SEPTIN9: variants seen among roughly 807,000 people sequenced by gnomAD.
The protein encoded by SEPTIN9 is septin-9.
SEPTIN9 carries 13 observed loss-of-function variants against 56.6 expected under a neutral mutation model. The observed-to-expected ratio is 0.23, with a 90% CI of 0.15 to 0.37. The LOEUF (loss-of-function observed/expected upper bound fraction) is 0.37, where lower values mean the gene tolerates loss of function less well. Ranked by LOEUF, SEPTIN9 falls within the 10% of genes least tolerant of loss-of-function variation. SEPTIN9 has a pLI of 1.00. For synonymous variants in SEPTIN9, 332 were observed against 334.1 expected (o/e 0.99, Z 0.07); for missense variants, 650 against 823.1 (o/e 0.79, Z 2.57).
At chr17:77,394,514 T>G (rs1306153664) in intron 2 of SEPTIN9, among the ~76,000 whole-genome samples, 2 of 152,212 alleles carry the variant, frequency 1.3e-5, no homozygotes, top group African/African-American at 4.8e-5. Flanking sequence ...AGGGCTAGCG[T>G]TCCTGGAACC....
At chr17:77,419,638 C>T (rs559157993) in intron 3 of SEPTIN9, among the ~76,000 whole-genome samples, 61 of 152,290 alleles carry the variant, frequency 4.0e-4, no homozygotes, top group Middle Eastern at 3.4e-3. Flanking sequence ...GTCCCTCCCC[C>T]GGTGCTGGTC....
chr17:77,466,646 C>T, intron 3 of SEPTIN9: 1 of 946,030 alleles, frequency 1.1e-6, no homozygotes, highest in Non-Finnish European at 1.3e-6. Flanking sequence ...GACCAGAAGG[C>T]ACACAGGGTC....
At chr17:77,377,487 A>G (rs376084150) in intron 2 of SEPTIN9, among the ~76,000 whole-genome samples, 1 of 152,044 alleles carries the variant, frequency 6.6e-6, no homozygotes. Flanking sequence ...AAAGAATCCA[A>G]AAGTCCTTGA....
Position 77,475,778 on chromosome 17 carries a change from T to C in SEPTIN9, c.722-6366T>C. The C allele has an allele frequency of 6.2e-7, 1 of 1,613,274 alleles. No individual in the cohort carries two copies. ...TCTCCTGGACACGGGCCTGGAAGGC[T>C]GACAGGGTGTGGTGAGTGCCACCGG... On this transcript the variant is annotated intron_variant, in intron 3 of 11. Coordinates refer to ENST00000427177, the MANE Select transcript of SEPTIN9 (RefSeq NM_001113491.2). The surrounding 1 kb of genome is among the most constrained non-coding windows in gnomAD (Gnocchi z 4.6).
At chr17:77,480,403 A>G (rs2039408113) in intron 3 of SEPTIN9, among the ~76,000 whole-genome samples, 1 of 152,186 alleles carries the variant, frequency 6.6e-6, no homozygotes, top group South Asian at 2.1e-4. Context: ...GATGGCTTGA[A>G]TCGGCTGGGG....
At chr17:77,427,867 G>C (rs917651342) in intron 3 of SEPTIN9, among the ~76,000 whole-genome samples, 8 of 152,276 alleles carry the variant, frequency 5.3e-5, no homozygotes, top group African/African-American at 1.9e-4. Context: ...GGGCCTGCCC[G>C]ACTTGCTATT....
intron 2 of SEPTIN9, among the ~76,000 whole-genome samples, chr17:77,343,003 G>GTCTATCTA (rs139340887): frequency 0.19 from 27,587 of 147,092 alleles, 2,825 homozygotes; most frequent in East Asian, 0.25. Context: ...CTGTCTGTCT[G>GTCTATCTA]TCTATCTATC....
At chr17:77,418,057 TCA>T (rs1308517007) in intron 3 of SEPTIN9, among the ~76,000 whole-genome samples, 2 of 152,172 alleles carry the variant, frequency 1.3e-5, no homozygotes, top group African/African-American at 4.8e-5. Flanking sequence ...CCCCGAGCTG[TCA>T]CACATCAGAA....
intron 2 of SEPTIN9, chr17:77,373,800 G>A: frequency 3.5e-6 from 2 of 575,706 alleles, no homozygotes; most frequent in South Asian, 4.2e-5. Context: ...CCCTGTGCTC[G>A]TTCTGCGCAC....
chr17:77,297,173 T>C (rs2031857062), intron 1 of SEPTIN9, among the ~76,000 whole-genome samples: 1 of 152,098 alleles, frequency 6.6e-6, no homozygotes, highest in Admixed American at 6.6e-5. Flanking sequence ...AAAGCCAGTA[T>C]CGTGGCTCAG....
intron 1 of SEPTIN9, among the ~76,000 whole-genome samples, chr17:77,287,044 C>T (rs1480991620): frequency 1.3e-5 from 2 of 152,230 alleles, no homozygotes; most frequent in East Asian, 3.8e-4. Context: ...TTGTACACAG[C>T]ACACAGCGCT....
At position 77,327,761 on chromosome 17, in the gene SEPTIN9, T is replaced by A. The variant is rs542694070; in HGVS notation, c.76+20564T>A. On this transcript the variant is annotated intron_variant, in intron 2 of 11. Transcript: ENST00000427177. This position sits in a 1 kb window ranked among gnomAD's most constrained non-coding sequence, Gnocchi z 5.0. ...TCTTTTTTTTTCTAAATGGGGAAAC[T>A]CTGACTTGAACACTGAATAAACAAC... 6.6e-6 allele frequency among the ~76,000 whole-genome samples: 1 copy of A among 152,106 alleles called. No homozygotes were observed. Among genetic ancestry groups the A allele is most frequent in the South Asian group, 2.1e-4 (1 of 4,818 alleles).
chr17:77,441,703 C>T (rs1194898170), intron 3 of SEPTIN9, among the ~76,000 whole-genome samples: 3 of 152,166 alleles, frequency 2.0e-5, no homozygotes, highest in East Asian at 1.9e-4. Context: ...TTTTTCTTTC[C>T]GTTTTTAAAA....
At chr17:77,486,021 G>A (rs2039763551) in intron 4 of SEPTIN9, among the ~76,000 whole-genome samples, 1 of 152,070 alleles carries the variant, frequency 6.6e-6, no homozygotes, top group Admixed American at 6.5e-5. Context: ...TCACCATGTT[G>A]GCCAAGCTGG....
chr17:77,373,348 T>A, intron 2 of SEPTIN9: 3 of 1,183,764 alleles, frequency 2.5e-6, no homozygotes, highest in East Asian at 3.7e-5. Context: ...TTCATTCAGC[T>A]GAGCCAGGGG....
chr17:77,422,970 C>T (rs931092179), intron 3 of SEPTIN9, among the ~76,000 whole-genome samples: 1 of 152,146 alleles, frequency 6.6e-6, no homozygotes, highest in African/African-American at 2.4e-5. Context: ...CTGCTGGGAT[C>T]TGCATCAGGA....
At chr17:77,416,983 A>G (rs1473032012) in intron 3 of SEPTIN9, among the ~76,000 whole-genome samples, 1 of 152,178 alleles carries the variant, frequency 6.6e-6, no homozygotes, top group African/African-American at 2.4e-5. Flanking sequence ...TAATAGTCCC[A>G]GCCTTCTCGA....
At chr17:77,336,002 GTAC>G (rs1172649496) in intron 2 of SEPTIN9, among the ~76,000 whole-genome samples, 4 of 78,870 alleles carry the variant, frequency 5.1e-5, no homozygotes, top group Admixed American at 1.5e-4. Context: ...ATTAGTATAT[GTAC>G]TGTATACATG....
chr17:77,474,890 G>A (rs2039145504), intron 3 of SEPTIN9, among the ~76,000 whole-genome samples: 2 of 152,044 alleles, frequency 1.3e-5, no homozygotes, highest in South Asian at 2.1e-4. Context: ...CCTGGGGCTC[G>A]GTGCAGTGGC....
Sources: gnomAD v4.1 joint callset for allele counts (sites outside exome capture counted in the v4.1 genomes callset) on GRCh38, gnomAD v4.1.1 for gene constraint, Gnocchi (gnomAD v3.1) non-coding constraint, MANE v1.5 for transcripts, NCBI Gene and HGNC (gene_info 2026-07-23, HGNC 2026-07-21) for gene names.